The following SPATA13 variants were observed in gnomAD, a reference collection of about 807,000 sequenced individuals.
The protein encoded by SPATA13 is spermatogenesis-associated protein 13.
A neutral mutation model predicts 104.0 loss-of-function variants in SPATA13; 50 were observed. That is an observed-to-expected ratio of 0.48 (90% CI 0.38 to 0.61). The LOEUF is 0.61. Ranked by LOEUF, SPATA13 falls within the 20% of genes least tolerant of loss-of-function variation. The pLI is 0.00. For missense variants in SPATA13, 1,524 were observed against 1,690.6 expected (o/e 0.90, Z 1.73); for synonymous variants, 606 against 667.5 (o/e 0.91, Z 1.42).
In SPATA13 at chr13:24,136,991, G is replaced by A. The variant is rs549243590; in HGVS notation, c.-111-85828G>A. Reference sequence around the variant, plus strand: ...ACTACAGGCGCCCGCCACTACGCCCGGCTAATTTTTTTGTATTTTTAGTAG... The same window carrying A: ...ACTACAGGCGCCCGCCACTACGCCCAGCTAATTTTTTTGTATTTTTAGTAG... On this transcript the variant is annotated intron_variant, in intron 3 of 14. Coordinates refer to the SPATA13 transcript ENST00000424834. Among the ~76,000 whole-genome samples, 261 of 101,860 alleles carry A rather than the reference G, an allele frequency of 2.6e-3. 74 individuals carry two copies. The highest frequency in any genetic ancestry group is 8.7e-3 in the African/African-American group (254 of 29,156). The allele number at this position is 101,860 out of a possible 152,430, so 66.8% of individuals were successfully genotyped here. A position where few individuals can be genotyped will look rare whatever the true frequency, so the allele number is the denominator to read the frequency against.
chr13:24,177,851 G>T (rs1049529568), intron 1 of SPATA13, among the ~76,000 whole-genome samples: 4 of 152,028 alleles, frequency 2.6e-5, no homozygotes, highest in African/African-American at 7.3e-5. Context: ...TTTGGGGATA[G>T]GATTTCAACA....
intron 3 of SPATA13, among the ~76,000 whole-genome samples, chr13:24,149,895 G>A (rs1882046097): frequency 6.6e-6 from 1 of 152,188 alleles, no homozygotes; most frequent in Non-Finnish European, 1.5e-5. Context: ...GCAGCAGGAG[G>A]TGGTTGGGGA....
At chr13:24,273,397 G>A (rs1440326016) in intron 4 of SPATA13, among the ~76,000 whole-genome samples, 1 of 152,196 alleles carries the variant, frequency 6.6e-6, no homozygotes, top group Non-Finnish European at 1.5e-5. Context: ...ATTAGTGAGA[G>A]TTAATATGTC....
chr13:24,042,174 T>C (rs1877956714), intron 3 of SPATA13, among the ~76,000 whole-genome samples: 1 of 152,080 alleles, frequency 6.6e-6, no homozygotes, highest in East Asian at 1.9e-4. Flanking sequence ...TAGTGTGGGT[T>C]GTGAGAGAGA....
intron 3 of SPATA13, among the ~76,000 whole-genome samples, chr13:24,152,598 TCC>T (rs1882128935): frequency 6.6e-6 from 1 of 152,186 alleles, no homozygotes; most frequent in African/African-American, 2.4e-5. Context: ...AGCTCCCACA[TCC>T]CCGTCTGTGT....
At position 24,247,465 on chromosome 13, in the gene SPATA13, T is replaced by C. The variant is rs78596496; in HGVS notation, c.1654-2012T>C. 7.6e-3 allele frequency among the ~76,000 whole-genome samples: 1,112 copies of C among 145,536 alleles called. 14 individuals are homozygous for C. The highest frequency in any genetic ancestry group is 0.025 in the African/African-American group (1,007 of 39,692). ...TCTATAAACCCCACACTGTGCTCTTTGCTCCACATTCACTTTTTTTTTTTT... is the reference window on the plus strand; with the variant it reads ...TCTATAAACCCCACACTGTGCTCTTCGCTCCACATTCACTTTTTTTTTTTT... On this transcript the variant is annotated intron_variant, in intron 2 of 12. Transcript: ENST00000382108.
intron 1 of SPATA13, among the ~76,000 whole-genome samples, chr13:24,218,776 A>C (rs76521322): frequency 0.12 from 18,188 of 151,226 alleles, 1,437 homozygotes; most frequent in South Asian, 0.25. Context: ...TGTGTGGCCC[A>C]AGACAATTCT....
At chr13:24,146,524 T>C (rs1881938157) in intron 3 of SPATA13, among the ~76,000 whole-genome samples, 1 of 152,178 alleles carries the variant, frequency 6.6e-6, no homozygotes. Flanking sequence ...TAATCTTATC[T>C]ACATAGATAA....
intron 3 of SPATA13, among the ~76,000 whole-genome samples, chr13:24,114,725 C>T (rs901433624): frequency 1.3e-5 from 2 of 152,052 alleles, no homozygotes; most frequent in Non-Finnish European, 2.9e-5. Flanking sequence ...TGCAATGGCA[C>T]GATCTTGGCT....
chr13:24,245,768 A>G (rs963458602), intron 2 of SPATA13, among the ~76,000 whole-genome samples: 2 of 151,210 alleles, frequency 1.3e-5, no homozygotes, highest in East Asian at 1.9e-4. Flanking sequence ...TTATTTATTT[A>G]TTTTTAGATG....
chr13:24,102,992 T>C (rs1341790642), intron 3 of SPATA13, among the ~76,000 whole-genome samples: 2 of 152,172 alleles, frequency 1.3e-5, no homozygotes, highest in Admixed American at 6.6e-5. Context: ...TTCCTTTGCA[T>C]GTGGCTATCC....
chr13:23,984,688 C>T lies in SPATA13; in HGVS notation c.-147+755C>T, dbSNP rs1875066694. Among the ~76,000 whole-genome samples, 7 of 152,344 alleles carry T rather than the reference C, an allele frequency of 4.6e-5. No individual in the cohort carries two copies. The South Asian group carries it at 1.2e-3, about 27-fold the overall frequency. On this transcript the variant is annotated intron_variant, in intron 2 of 14. Coordinates refer to the SPATA13 transcript ENST00000424834. ...TTTTCCAAGGAACACGGAAAGTGTTCGGAATGCACTGCTTGGACAAGATCC... is the reference window on the plus strand; with the variant it reads ...TTTTCCAAGGAACACGGAAAGTGTTTGGAATGCACTGCTTGGACAAGATCC...
At chr13:24,067,156 C>T (rs573660500) in intron 3 of SPATA13, among the ~76,000 whole-genome samples, 29 of 152,322 alleles carry the variant, frequency 1.9e-4, no homozygotes, top group African/African-American at 6.5e-4. Context: ...CTTCTCAGCC[C>T]AGGCACTGCT....
rs1181801456 is a variant in SPATA13, at chr13:24,290,797, A to G, written c.2993A>G (p.Asp998Gly). 2 of 1,614,046 alleles carry G rather than the reference A, an allele frequency of 1.2e-6. No individual in the cohort carries two copies. Among genetic ancestry groups the G allele is most frequent in the Admixed American group, 1.7e-5 (1 of 59,986 alleles). ...LLQQMIDIAI[D>G]GFLLTPVQKI... ...CAGCAGATGATTGACATCGCCATCGACGGGTTCCTGCTCACACCAGTGCAG... is the reference window on the plus strand; with the variant it reads ...CAGCAGATGATTGACATCGCCATCGGCGGGTTCCTGCTCACACCAGTGCAG... The change falls in exon 9 of 13, where the codon GAC (aspartate) becomes GGC (glycine). Residue 998 changes from aspartate to glycine, a missense_variant. Asp to Gly is a moderately conservative substitution (Grantham distance 94, BLOSUM62 -1). Transcript: ENST00000382108.
At chr13:24,169,909 A>G (rs1882899041) in intron 1 of SPATA13, among the ~76,000 whole-genome samples, 1 of 152,204 alleles carries the variant, frequency 6.6e-6, no homozygotes, top group Non-Finnish European at 1.5e-5. Flanking sequence ...TGCCATGAAC[A>G]CCTGCCTTCT....
chr13:24,207,175 C>T (rs1404942794), intron 1 of SPATA13, among the ~76,000 whole-genome samples: 2 of 152,132 alleles, frequency 1.3e-5, no homozygotes, highest in Non-Finnish European at 2.9e-5. Flanking sequence ...GATGAGAACA[C>T]ATGGACACAT....
chr13:24,237,484 G>A (rs1055240386), intron 2 of SPATA13, among the ~76,000 whole-genome samples: 8 of 152,204 alleles, frequency 5.3e-5, no homozygotes, highest in East Asian at 1.9e-4. Context: ...CATGAGATCC[G>A]TAGAGTAGTC....
chr13:24,105,523 G>A (rs17457116), intron 3 of SPATA13, among the ~76,000 whole-genome samples: 2,389 of 151,498 alleles, frequency 0.016, 25 homozygotes, highest in Middle Eastern at 0.027. Flanking sequence ...CACAATGAGA[G>A]AGCCTGATAA....
intron 2 of SPATA13, among the ~76,000 whole-genome samples, chr13:24,227,738 T>C (rs991160927): frequency 6.6e-6 from 1 of 152,052 alleles, no homozygotes; most frequent in African/African-American, 2.4e-5. Context: ...GCCAGCTTAA[T>C]TTTTGTATTT....
Sources: allele counts gnomAD v4.1 joint callset (sites outside exome capture counted in the v4.1 genomes callset), GRCh38; gene constraint gnomAD v4.1.1; transcripts MANE v1.5; gene names NCBI Gene and HGNC (gene_info 2026-07-23, HGNC 2026-07-21).